The following FBXO24 variants were observed in gnomAD, a reference collection of about 807,000 sequenced individuals.
FBXO24 encodes the protein F-box only protein 24.
In FBXO24, 30 loss-of-function variants were observed where a neutral mutation model predicts 63.5. The observed-to-expected ratio is 0.47, with a 90% CI of 0.35 to 0.64. FBXO24 has a LOEUF of 0.64. FBXO24 is among the 30% of genes least tolerant of loss of function. The pLI, the probability that FBXO24 is intolerant of heterozygous loss-of-function variation, is 0.00. For synonymous variants in FBXO24, 300 were observed against 305.0 expected (o/e 0.98, Z 0.17); for missense variants, 624 against 763.4 (o/e 0.82, Z 2.15).
Position 100,601,058 on chromosome 7 carries a change from C to A in FBXO24, c.*159C>A. On this transcript the variant is annotated 3_prime_UTR_variant, in exon 10 of 10. Coordinates refer to ENST00000241071, the MANE Select transcript of FBXO24 (RefSeq NM_033506.3). ...TGTTCAGGGGGCTGCCCAGGAGGGG[C>A]CCCCAACCTGACTATCATGGACAAG... The A allele has an allele frequency of 9.9e-7, 1 of 1,007,962 alleles. No homozygotes were observed. The highest frequency in any genetic ancestry group is 1.4e-6 in the Non-Finnish European group (1 of 710,438). The allele number at this position is 1,007,962 out of a possible 1,614,324, so 62.4% of individuals were successfully genotyped here. A position where few individuals can be genotyped will look rare whatever the true frequency, so the allele number is the denominator to read the frequency against.
intron 1 of FBXO24, among the ~76,000 whole-genome samples, chr7:100,588,726 T>C (rs530456694): frequency 3.9e-5 from 6 of 152,354 alleles, no homozygotes; most frequent in African/African-American, 1.4e-4. Context: ...GGAGAAATCC[T>C]AAGCTTTCAG....
At chr7:100,596,002 G>A (rs1345480542) in intron 8 of FBXO24, among the ~76,000 whole-genome samples, 1 of 152,042 alleles carries the variant, frequency 6.6e-6, no homozygotes, top group Non-Finnish European at 1.5e-5. Context: ...CAGGGGCCAG[G>A]TGCAGAGCCT....
At chr7:100,587,115 G>A (rs1801796100) in intron 1 of FBXO24, among the ~76,000 whole-genome samples, 1 of 152,198 alleles carries the variant, frequency 6.6e-6, no homozygotes, top group Admixed American at 6.5e-5. Flanking sequence ...CAGAAACTGA[G>A]GCAGAGGGAA....
intron 1 of FBXO24, chr7:100,589,681 C>G: frequency 6.5e-7 from 1 of 1,537,180 alleles, no homozygotes; most frequent in Non-Finnish European, 8.8e-7. Context: ...GGCCAAGGGC[C>G]TAGGAGACAG....
rs201038125 is a variant in FBXO24, at chr7:100,600,687, G to A, written c.1531G>A (p.Asp511Asn). 5 of 1,614,142 alleles carry A rather than the reference G, an allele frequency of 3.1e-6. No individual in the cohort carries two copies. The highest frequency in any genetic ancestry group is 3.4e-6 in the Non-Finnish European group (4 of 1,179,990). The change falls in exon 10 of 10, where the codon GAC becomes AAC. Residue 511 changes from aspartate (D) to asparagine (N), a missense_variant. This residue lies in a region of FBXO24 where 216 missense variants were observed against 245.2 expected (regional missense o/e 0.88). Coordinates refer to ENST00000241071, the MANE Select transcript of FBXO24 (RefSeq NM_033506.3). This position sits in a 1 kb window ranked among gnomAD's most constrained non-coding sequence, Gnocchi z 6.3. ...EPSLGARAPQ[D>N]PGGMAQACEE... is the part of the protein sequence containing the mutation. ...CAGCCTGGGGGCCAGAGCACCCCAG[G>A]ACCCCGGGGGGATGGCCCAGGCCTG...
chr7:100,590,919 G>A (rs959450209), intron 3 of FBXO24, among the ~76,000 whole-genome samples: 8 of 152,126 alleles, frequency 5.3e-5, no homozygotes, highest in African/African-American at 1.9e-4. Flanking sequence ...AAAAGAGAAG[G>A]GGGACCCAGA....
chr7:100,594,576 C>G lies in FBXO24; in HGVS notation c.952+35C>G, dbSNP rs1458063049. ...ACCTCCCCCCGGCTCAAGCCCGCAG[C>G]CTTGGTTAGACCCTCTAAACATCAA... On this transcript the variant is annotated intron_variant, in intron 6 of 9. Coordinates refer to ENST00000241071, the MANE Select transcript of FBXO24 (RefSeq NM_033506.3). This position sits in a 1 kb window ranked among gnomAD's most constrained non-coding sequence, Gnocchi z 4.2. 3 of 1,519,820 alleles carry G rather than the reference C, an allele frequency of 2.0e-6. No homozygotes were observed. Among genetic ancestry groups the G allele is most frequent in the African/African-American group, 2.8e-5 (2 of 72,676 alleles). The allele number at this position is 1,519,820 out of a possible 1,614,324, so 94.1% of individuals were successfully genotyped here.
chr7:100,592,563 G>A (rs1417702574), intron 4 of FBXO24, among the ~76,000 whole-genome samples: 2 of 152,102 alleles, frequency 1.3e-5, no homozygotes, highest in Non-Finnish European at 2.9e-5. Context: ...GGGGCACAGA[G>A]CCTAACCATA....
Position 100,600,914 on chromosome 7 carries a change from G to A in FBXO24, c.*15G>A. The A allele has an allele frequency of 6.2e-7, 1 of 1,605,472 alleles. No individual in the cohort carries two copies. Among genetic ancestry groups the A allele is most frequent in the Non-Finnish European group, 8.5e-7 (1 of 1,175,760 alleles). On this transcript the variant is annotated 3_prime_UTR_variant, in exon 10 of 10. Coordinates refer to ENST00000241071, the MANE Select transcript of FBXO24 (RefSeq NM_033506.3). This position sits in a 1 kb window ranked among gnomAD's most constrained non-coding sequence, Gnocchi z 6.3. Reference sequence around the variant, plus strand: ...CTGAGACCTAATCCCCCTCATGCTAGCCTAGTCCCTGGAGGAGGGAGTCCG... The same window carrying A: ...CTGAGACCTAATCCCCCTCATGCTAACCTAGTCCCTGGAGGAGGGAGTCCG...
At chr7:100,590,645 C>T (rs1383983155) in intron 3 of FBXO24, among the ~76,000 whole-genome samples, 2 of 152,196 alleles carry the variant, frequency 1.3e-5, no homozygotes, top group African/African-American at 2.4e-5. Flanking sequence ...TGGAGTTTTC[C>T]CTCCTCTAAC....
intron 3 of FBXO24, 81 bp from the exon 4 acceptor site, chr7:100,591,585 TC>T: frequency 1.5e-6 from 2 of 1,313,006 alleles, no homozygotes; most frequent in South Asian, 2.5e-5. Context: ...AACCAGCGTG[TC>T]TAAGAAATCT....
At chr7:100,593,040 T>C in intron 5 of FBXO24, 23 bp downstream of exon 5, 1 of 1,601,842 alleles carries the variant, frequency 6.2e-7, no homozygotes, top group Non-Finnish European at 8.5e-7. Context: ...GCAATGGCTT[T>C]TGCAAACTGT....
chr7:100,595,002 A>C, intron 6 of FBXO24, 100 bp from the exon 7 acceptor site: 1 of 1,511,790 alleles, frequency 6.6e-7, no homozygotes, highest in Non-Finnish European at 9.0e-7. Flanking sequence ...CCTAGTGGGT[A>C]TGAGACTCCT....
Position 100,600,672 on chromosome 7 carries a change from G to A in FBXO24, c.1516G>A (p.Ala506Thr), listed in dbSNP as rs1437238456. The change falls in exon 10 of 10, where the codon GCC becomes ACC. Residue 506 changes from alanine to threonine, a missense_variant. By Grantham distance (58) the Ala-to-Thr change is moderately conservative. Transcript: ENST00000241071. The surrounding 1 kb of genome is among the most constrained non-coding windows in gnomAD (Gnocchi z 6.3). ...GGGGACTCCTGAGCCCAGCCTGGGG[G>A]CCAGAGCACCCCAGGACCCCGGGGG... The part of the protein sequence containing the change: ...VVGTPEPSLG[A>T]RAPQDPGGMA... 1.9e-6 allele frequency: 3 copies of A among 1,614,074 alleles called. No individual in the cohort carries two copies. In the South Asian group the frequency reaches 3.3e-5, roughly 18 times the overall value.
Position 100,590,189 on chromosome 7 carries a change from TCATTCCTCCCAGTCAGAGACCTTGTTG to T in FBXO24, c.156_182del (p.Phe53_Ala61del). On this transcript the variant is annotated inframe_deletion, in exon 3 of 10. Coordinates refer to ENST00000241071, the MANE Select transcript of FBXO24 (RefSeq NM_033506.3). ...TCCCTCCCAGGTGGAGCATATCATC[TCATTCCTCCCAGTCAGAGACCTTGTTG>T]CCCTCGGCCAGACCTGCCGCTACTT... is the stretch of plus-strand genomic sequence containing the variant. The T allele has an allele frequency of 1.2e-6, 2 of 1,613,880 alleles. No homozygotes were observed. Among genetic ancestry groups the T allele is most frequent in the Non-Finnish European group, 1.7e-6 (2 of 1,179,900 alleles).
intron 8 of FBXO24, 56 bp downstream of exon 8, chr7:100,595,762 C>G (rs1473328156): frequency 6.6e-7 from 1 of 1,520,064 alleles, no homozygotes; most frequent in Non-Finnish European, 8.9e-7. Context: ...ATTCCCTAAC[C>G]CCCAGATCTG....
At chr7:100,592,758 C>A (rs1457708622) in intron 4 of FBXO24, 25 bp from the exon 5 acceptor site, 3 of 1,595,678 alleles carry the variant, frequency 1.9e-6, no homozygotes, top group African/African-American at 2.7e-5. Context: ...CTCTAGATCC[C>A]AGACGCCCTC....
Position 100,592,881 on chromosome 7 carries a change from G to A in FBXO24, c.657G>A (p.Arg219=), listed in dbSNP as rs1467886308. ...AAGTGGTGGGTACCACCAGCAGCCGGGCCTGTGACTGTGTTGAGGTCTATC... is the reference window on the plus strand; with the variant it reads ...AAGTGGTGGGTACCACCAGCAGCCGAGCCTGTGACTGTGTTGAGGTCTATC... The part of the protein sequence containing the change: ...PQEVVGTTSS[R]ACDCVEVYLQ... The change falls in exon 5 of 10, where the codon CGG becomes CGA. Residue 219 remains arginine (R), a synonymous_variant. Coordinates refer to ENST00000241071, the MANE Select transcript of FBXO24 (RefSeq NM_033506.3). 3 of 1,614,088 alleles carry A rather than the reference G, an allele frequency of 1.9e-6. No homozygotes were observed. In the African/African-American group the frequency reaches 4.0e-5, roughly 22 times the overall value.
Position 100,586,497 on chromosome 7 carries a change from AGTCCTC to A in FBXO24, c.-124_-119del, listed in dbSNP as rs918982505. ...GAGGGACCGCAAGCAGGGGGTGCCT[AGTCCTC>A]GTCCCCCAAAGACCAATCGTAAGCC... On this transcript the variant is annotated 5_prime_UTR_variant, in exon 1 of 10. Transcript: ENST00000241071. 2.1e-6 allele frequency: 2 copies of A among 952,050 alleles called. No homozygotes were observed. The highest frequency in any genetic ancestry group is 3.2e-5 in the African/African-American group (2 of 61,782). The allele number at this position is 952,050 out of a possible 1,614,324, so 59.0% of individuals were successfully genotyped here. A position where few individuals can be genotyped will look rare whatever the true frequency, so the allele number is the denominator to read the frequency against.
Sources: allele counts gnomAD v4.1 joint callset (sites outside exome capture counted in the v4.1 genomes callset), GRCh38; gene constraint gnomAD v4.1.1; regional missense constraint gnomAD v4.1.1; non-coding constraint Gnocchi (gnomAD v3.1); transcripts MANE v1.5; gene names NCBI Gene and HGNC (gene_info 2026-07-23, HGNC 2026-07-21).